The following ABCC1 variants were observed in gnomAD, a reference collection of about 807,000 sequenced individuals.
The protein encoded by ABCC1 is ATP binding cassette subfamily C member 1 (ABCC1 blood group).
In ABCC1, 83 loss-of-function variants were observed where a neutral mutation model predicts 172.9. The ratio of observed to expected loss-of-function variants is 0.48; its 90% confidence interval spans 0.40 to 0.58. The LOEUF is 0.58. ABCC1 is among the 20% of genes least tolerant of loss of function. The pLI is 0.00. For synonymous variants in ABCC1, 937 were observed against 825.2 expected (o/e 1.14, Z -2.32); for missense variants, 1,817 against 2,002.7 (o/e 0.91, Z 1.77).
chr16:15,979,285 G>A (rs1193216742), intron 1 of ABCC1, among the ~76,000 whole-genome samples: 1 of 151,658 alleles, frequency 6.6e-6, no homozygotes, highest in Admixed American at 6.6e-5. Flanking sequence ...GCAAGACTCT[G>A]TCTCAAACAA....
chr16:16,032,054 G>A (rs752376244), intron 5 of ABCC1, among the ~76,000 whole-genome samples: 5 of 152,096 alleles, frequency 3.3e-5, no homozygotes, highest in African/African-American at 1.2e-4. Flanking sequence ...GCAGTCGTTC[G>A]ATCATGGCTC....
At chr16:15,982,565 T>C (rs2046646210) in intron 1 of ABCC1, among the ~76,000 whole-genome samples, 1 of 150,534 alleles carries the variant, frequency 6.6e-6, no homozygotes, top group South Asian at 2.1e-4. Flanking sequence ...GTTTCTTCCA[T>C]GACATGTGAG....
chr16:16,048,174 C>A lies in ABCC1; in HGVS notation c.1251C>A (p.Ser417=). The A allele has an allele frequency of 6.2e-7, 1 of 1,614,202 alleles. No homozygotes were observed. Residue 417 remains serine (S), a synonymous_variant, in exon 10 of 31, where the codon TCC becomes TCA. Transcript: ENST00000399410. The part of the protein sequence containing the change: ...ALVITNSARK[S]STVGEIVNLM... ...TGATCACCAATTCAGCCAGAAAATC[C>A]TCCACGGTCGGGGAGATTGTCAACC...
At chr16:16,090,371 C>A in intron 18 of ABCC1, 34 bp from the exon 19 acceptor site, 1 of 1,546,508 alleles carries the variant, frequency 6.5e-7, no homozygotes, top group Non-Finnish European at 8.8e-7. Context: ...CACACATGTG[C>A]ACTCACGTGG....
Position 16,071,689 on chromosome 16 carries a change from G to A in ABCC1, c.1872G>A (p.Glu624=). Residue 624 remains glutamate (E), a synonymous_variant, in exon 14 of 31, where the codon GAG becomes GAA. Coordinates refer to ENST00000399410, the MANE Select transcript of ABCC1 (RefSeq NM_004996.4). ...TGAGGATCTTTCTCTCCCATGAGGA[G>A]CTGGAACCTGACAGCATCGAGCGAC... ...KRLRIFLSHE[E]LEPDSIERRP... The A allele has an allele frequency of 6.2e-7, 1 of 1,614,068 alleles. No homozygotes were observed. The highest frequency in any genetic ancestry group is 1.7e-5 in the Admixed American group (1 of 60,010).
intron 28 of ABCC1, 101 bp downstream of exon 28, chr16:16,134,609 G>T: frequency 9.7e-7 from 1 of 1,034,516 alleles, no homozygotes; most frequent in South Asian, 1.6e-5. Flanking sequence ...CATACATTTG[G>T]CCCTACTTCA....
intron 23 of ABCC1, among the ~76,000 whole-genome samples, chr16:16,120,127 G>T (rs1020344868): frequency 2.0e-5 from 3 of 152,064 alleles, no homozygotes; most frequent in African/African-American, 7.2e-5. Flanking sequence ...AACCACAGAG[G>T]CCTTGTAAAA....
chr16:16,015,131 CTTT>C (rs10694441), intron 4 of ABCC1, among the ~76,000 whole-genome samples: 2 of 124,538 alleles, frequency 1.6e-5, no homozygotes, highest in Non-Finnish European at 1.6e-5. Context: ...GGAGTGTGCA[CTTT>C]TTTTTTTTTT....
chr16:15,971,336 A>C (rs568210076), intron 1 of ABCC1, among the ~76,000 whole-genome samples: 14 of 152,132 alleles, frequency 9.2e-5, no homozygotes, highest in Non-Finnish European at 1.5e-4. Flanking sequence ...TGCTAGGAAC[A>C]TGTGGGGAAA....
intron 23 of ABCC1, 88 bp from the exon 24 acceptor site, chr16:16,121,887 C>T (rs752928886): frequency 2.4e-4 from 350 of 1,440,288 alleles, no homozygotes; most frequent in Middle Eastern, 3.5e-4. Flanking sequence ...GTATCGGTTA[C>T]GTCTAGATGT....
At chr16:16,110,564 AT>A (rs2052342009) in intron 21 of ABCC1, among the ~76,000 whole-genome samples, 1 of 150,328 alleles carries the variant, frequency 6.7e-6, no homozygotes, top group Non-Finnish European at 1.5e-5. Context: ...TAATTTTTGT[AT>A]TTTAGTAGGC....
intron 1 of ABCC1, among the ~76,000 whole-genome samples, chr16:16,005,663 AG>A (rs199915475): frequency 0.021 from 3,166 of 152,256 alleles, 100 homozygotes; most frequent in African/African-American, 0.072. Flanking sequence ...TGATTTTTAA[AG>A]TTATGCCAGA....
At chr16:16,096,671 C>T (rs1324910396) in intron 19 of ABCC1, among the ~76,000 whole-genome samples, 4 of 152,186 alleles carry the variant, frequency 2.6e-5, no homozygotes, top group South Asian at 2.1e-4. Flanking sequence ...GAATTCTTCC[C>T]TCCGGGGAGG....
chr16:16,000,104 C>T (rs150810024), intron 1 of ABCC1, among the ~76,000 whole-genome samples: 155 of 151,692 alleles, frequency 1.0e-3, no homozygotes, highest in African/African-American at 2.9e-3. Context: ...CTGCCCGCCT[C>T]GGTCTCCCAA....
intron 1 of ABCC1, among the ~76,000 whole-genome samples, chr16:16,005,831 G>A (rs2047509773): frequency 6.6e-6 from 1 of 152,002 alleles, no homozygotes; most frequent in South Asian, 2.1e-4. Context: ...CGGGGTGACC[G>A]CAGTCCCAGC....
intron 5 of ABCC1, among the ~76,000 whole-genome samples, chr16:16,028,321 G>T (rs2048445483): frequency 6.6e-6 from 1 of 152,136 alleles, no homozygotes; most frequent in South Asian, 2.1e-4. Context: ...AGGGCAGGAG[G>T]CTGAATGGGG....
At chr16:16,078,253 C>T (rs939226857) in intron 15 of ABCC1, among the ~76,000 whole-genome samples, 1 of 152,108 alleles carries the variant, frequency 6.6e-6, no homozygotes, top group African/African-American at 2.4e-5. Context: ...TTTGGATGTG[C>T]CCTCCCTTCC....
In ABCC1 at chr16:16,045,834, A is replaced by G; in HGVS notation, c.1041-2A>G. On this transcript the variant is annotated splice_acceptor_variant, in intron 8 of 30. Coordinates refer to ENST00000399410, the MANE Select transcript of ABCC1 (RefSeq NM_004996.4). LOFTEE classifies it high-confidence loss of function. ...CCAGGCCCTCTCTTTGCTCCTTTGC[A>G]GGTTGCTCATCAAGTTCGTGAATGA... is the stretch of plus-strand genomic sequence containing the variant. 6.2e-7 allele frequency: 1 copy of G among 1,613,864 alleles called. No homozygotes were observed. Among genetic ancestry groups the G allele is most frequent in the Non-Finnish European group, 8.5e-7 (1 of 1,179,868 alleles).
Position 16,040,010 on chromosome 16 carries a change from C to T in ABCC1, c.809+3407C>T, listed in dbSNP as rs75869623. Among the ~76,000 whole-genome samples the T allele has an allele frequency of 9.6e-3, 1,456 of 152,088 alleles. 18 individuals are homozygous for T. The highest frequency in any genetic ancestry group is 0.033 in the African/African-American group (1,368 of 41,484). On this transcript the variant is annotated intron_variant, in intron 7 of 30. Transcript: ENST00000399410. ...TCCAGGTGCAGTGAGAACACAGGCG[C>T]AGGTTTTCTGCAGGGCAGTGGTGTG...
Sources: allele counts gnomAD v4.1 joint callset (sites outside exome capture counted in the v4.1 genomes callset), GRCh38; gene constraint gnomAD v4.1.1; transcripts MANE v1.5; gene names NCBI Gene and HGNC (gene_info 2026-07-23, HGNC 2026-07-21).